The following ARL6IP1 variants were observed in gnomAD, a reference collection of about 807,000 sequenced individuals.
The protein encoded by ARL6IP1 is ARL6 interacting reticulophagy regulator 1.
Under a neutral mutation model 30.1 loss-of-function variants are expected in ARL6IP1, and 16 were observed. The ratio of observed to expected loss-of-function variants is 0.53; its 90% CI spans 0.36 to 0.81. The LOEUF (loss-of-function observed/expected upper bound fraction) is 0.81. Among genes scored for constraint, ARL6IP1 ranks in the 30% least tolerant of loss-of-function variants. The pLI, the probability that ARL6IP1 is intolerant of heterozygous loss-of-function variation, is 0.01. For synonymous variants in ARL6IP1, 72 were observed against 84.8 expected, an observed-to-expected ratio of 0.85 and a Z score of 0.83; for missense variants, 173 against 242.7, an observed-to-expected ratio of 0.71 and a Z score of 1.91.
At chr16:18,800,744 A>C (rs1048164996) in intron 1 of ARL6IP1, among the ~76,000 whole-genome samples, 5 of 152,194 alleles carry the variant, frequency 3.3e-5, no homozygotes, top group African/African-American at 4.8e-5. Flanking sequence ...GCTTAAATTC[A>C]TAACAAATAA....
intron 3 of ARL6IP1, among the ~76,000 whole-genome samples, chr16:18,796,375 A>G (rs1280084317): frequency 7.9e-5 from 12 of 152,224 alleles, no homozygotes. Flanking sequence ...ATTTCTGCTG[A>G]GCCCTGGAAC....
In ARL6IP1 at chr16:18,793,201, G is replaced by C; in HGVS notation, c.*51C>G. 8.0e-7 allele frequency: 1 copy of C among 1,243,834 alleles called. No individual in the cohort carries two copies. Among genetic ancestry groups the C allele is most frequent in the Non-Finnish European group, 1.2e-6 (1 of 858,560 alleles). 77.0% of individuals were successfully genotyped at this position (1,243,834 alleles called of 1,614,324 possible). ...GTATCCAGATAGTACAGCAGAAACG[G>C]TTCCCGGGGCAATGGGTGCTGCATT... On this transcript the variant is annotated 3_prime_UTR_variant, in exon 6 of 6. Coordinates refer to ENST00000304414, the MANE Select transcript of ARL6IP1 (RefSeq NM_015161.3).
At chr16:18,797,502 G>T (rs2030278525) in intron 3 of ARL6IP1, among the ~76,000 whole-genome samples, 1 of 152,050 alleles carries the variant, frequency 6.6e-6, no homozygotes, top group Admixed American at 6.6e-5. Context: ...CTGCCTCAGT[G>T]TCTCAGTATC....
rs1209631624 is a variant in ARL6IP1, at chr16:18,793,335, G to T, written c.529C>A (p.His177Asn). 6.2e-7 allele frequency: 1 copy of T among 1,612,072 alleles called. No homozygotes were observed. The highest frequency in any genetic ancestry group is 8.5e-7 in the Non-Finnish European group (1 of 1,179,364). The change falls in exon 6 of 6, where the codon CAT becomes AAT. Residue 177 changes from histidine (H) to asparagine (N), a missense_variant. By Grantham distance (68) the His-to-Asn change is moderately conservative. Transcript: ENST00000304414. ...SLLLLPGLNQ[H>N]GIILKYIGMA... is the part of the protein sequence containing the mutation. The stretch of plus-strand genomic sequence containing the variant: ...CCAATGTACTTCAAAATGATTCCAT[G>T]TTGGTTTAGTCCAGGAAGCAATAGT...
intron 5 of ARL6IP1, among the ~76,000 whole-genome samples, chr16:18,793,872 G>A (rs1352517200): frequency 3.9e-5 from 6 of 152,038 alleles, no homozygotes; most frequent in African/African-American, 9.7e-5. Flanking sequence ...CTGCCGCCAC[G>A]CCTGGCTAAT....
chr16:18,794,988 A>G (rs1486824345), intron 4 of ARL6IP1, among the ~76,000 whole-genome samples: 1 of 151,742 alleles, frequency 6.6e-6, no homozygotes, highest in Non-Finnish European at 1.5e-5. Context: ...AAGCTTACAG[A>G]TAAGAGAACA....
At chr16:18,794,542 G>GT in intron 5 of ARL6IP1, 57 bp downstream of exon 5, 1 of 1,315,218 alleles carries the variant, frequency 7.6e-7, no homozygotes, top group Non-Finnish European at 1.1e-6. Flanking sequence ...TACTGACGAA[G>GT]TTACAGTTAA....
rs370377390 is a variant in ARL6IP1, at chr16:18,793,206, C to A, written c.*46G>T. ...CAGATAGTACAGCAGAAACGGTTCC[C>A]GGGGCAATGGGTGCTGCATTAATCA... On this transcript the variant is annotated 3_prime_UTR_variant, in exon 6 of 6. Transcript: ENST00000304414. The A allele has an allele frequency of 7.7e-7, 1 of 1,307,124 alleles. No homozygotes were observed. The highest frequency in any genetic ancestry group is 1.2e-5 in the South Asian group (1 of 80,306). 81.0% of individuals were successfully genotyped at this position (1,307,124 alleles called of 1,614,324 possible).
At position 18,798,816 on chromosome 16, in the gene ARL6IP1, G is replaced by C. The variant is rs1280208690; in HGVS notation, c.55C>G (p.Leu19Val). 6.2e-7 allele frequency: 1 copy of C among 1,613,932 alleles called. No homozygotes were observed. The highest frequency in any genetic ancestry group is 8.5e-7 in the Non-Finnish European group (1 of 1,180,012). ...CCCCATCCTTGCAGCTGTTCTTCCA[G>C]ACTTGCAGTCTCTGCAGCCTAAATA... The part of the protein sequence containing the change: ...TNLLAAETAS[L>V]EEQLQGWGEV... The change falls in exon 2 of 6, where the codon CTG becomes GTG. Residue 19 changes from leucine to valine, a missense_variant. By Grantham distance (32) the Leu-to-Val change is conservative (BLOSUM62 1). Coordinates refer to ENST00000304414, the MANE Select transcript of ARL6IP1 (RefSeq NM_015161.3).
At position 18,798,721 on chromosome 16, in the gene ARL6IP1, A is replaced by G. The variant is rs771181884; in HGVS notation, c.150T>C (p.Gly50=). ...CTTACAGAAACACCAAAGAAACCACACCCATGATGGCAGGTGGAAACCAGG... is the reference window on the plus strand; with the variant it reads ...CTTACAGAAACACCAAAGAAACCACGCCCATGATGGCAGGTGGAAACCAGG... The part of the protein sequence containing the change: ...ERAWFPPAIM[G]VVSLVFLIIY... The change falls in exon 2 of 6, where the codon GGT becomes GGC. Residue 50 remains glycine, a synonymous_variant. Coordinates refer to ENST00000304414, the MANE Select transcript of ARL6IP1 (RefSeq NM_015161.3). 2 of 1,614,086 alleles carry G rather than the reference A, an allele frequency of 1.2e-6. No homozygotes were observed. Among genetic ancestry groups the G allele is most frequent in the Non-Finnish European group, 1.7e-6 (2 of 1,179,998 alleles).
Position 18,794,648 on chromosome 16 carries a change from A to G in ARL6IP1, c.444T>C (p.Val148=). The G allele has an allele frequency of 6.2e-7, 1 of 1,613,588 alleles. No homozygotes were observed. The highest frequency in any genetic ancestry group is 8.5e-7 in the Non-Finnish European group (1 of 1,179,628). ...FMTMIVSLAA[V]AWVGQQVHNL... ...TGTGGACTTGTTGTCCCACCCAAGCAACCGCAGCAAGGGAAACGATCATGG... is the reference window on the plus strand; with the variant it reads ...TGTGGACTTGTTGTCCCACCCAAGCGACCGCAGCAAGGGAAACGATCATGG... Residue 148 remains valine (V), a synonymous_variant, in exon 5 of 6, where the codon GTT becomes GTC. Coordinates refer to ENST00000304414, the MANE Select transcript of ARL6IP1 (RefSeq NM_015161.3).
chr16:18,798,490 C>G, intron 2 of ARL6IP1: 1 of 492,336 alleles, frequency 2.0e-6, no homozygotes, highest in Non-Finnish European at 3.4e-6. Flanking sequence ...GTTTGCGAGT[C>G]ACTGATTTAC....
intron 3 of ARL6IP1, among the ~76,000 whole-genome samples, chr16:18,796,820 G>C (rs2030245768): frequency 6.6e-6 from 1 of 151,994 alleles, no homozygotes; most frequent in African/African-American, 2.4e-5. Flanking sequence ...AGATCCATAA[G>C]GTACACATTT....
chr16:18,800,925 C>T (rs2030387485), intron 1 of ARL6IP1, among the ~76,000 whole-genome samples: 1 of 152,200 alleles, frequency 6.6e-6, no homozygotes, highest in South Asian at 2.1e-4. Flanking sequence ...CCCGGTTCCC[C>T]ACGGTGAGCT....
chr16:18,793,673 C>T (rs568553702), intron 5 of ARL6IP1, among the ~76,000 whole-genome samples: 38 of 151,844 alleles, frequency 2.5e-4, no homozygotes, highest in African/African-American at 5.8e-4. Context: ...TCAGGTGATC[C>T]GCCTGCTTCA....
At chr16:18,794,148 C>T (rs1164966728) in intron 5 of ARL6IP1, among the ~76,000 whole-genome samples, 3 of 152,112 alleles carry the variant, frequency 2.0e-5, no homozygotes, top group South Asian at 2.1e-4. Context: ...GACAGGGTTT[C>T]GCCATGTTGG....
intron 1 of ARL6IP1, chr16:18,801,119 C>T: frequency 1.6e-6 from 2 of 1,241,166 alleles, no homozygotes; most frequent in African/African-American, 1.5e-5. Context: ...TGGACAGGCC[C>T]CAGGAGGCCT....
intron 5 of ARL6IP1, among the ~76,000 whole-genome samples, chr16:18,793,993 G>T (rs1012058803): frequency 6.6e-6 from 1 of 151,986 alleles, no homozygotes; most frequent in Non-Finnish European, 1.5e-5. Context: ...GTGGGTGGGG[G>T]GGGTGGTGAG....
chr16:18,799,142 C>A (rs1424015833), intron 1 of ARL6IP1, among the ~76,000 whole-genome samples: 2 of 152,028 alleles, frequency 1.3e-5, no homozygotes, highest in Non-Finnish European at 2.9e-5. Flanking sequence ...ACCTCATACT[C>A]CTGAGTAGTT....
Sources: gnomAD v4.1 joint callset for allele counts (sites outside exome capture counted in the v4.1 genomes callset) on GRCh38, gnomAD v4.1.1 for gene constraint, MANE v1.5 for transcripts, NCBI Gene and HGNC (gene_info 2026-07-23, HGNC 2026-07-21) for gene names.